Variants in TPH2 observed in about 807,000 individuals in gnomAD.
The protein encoded by TPH2 is tryptophan hydroxylase 2, also known as tryptophan 5-hydroxylase 2.
TPH2 carries 27 observed loss-of-function variants against 59.1 expected under a neutral mutation model. The ratio of observed to expected loss-of-function variants is 0.46; its 90% CI spans 0.34 to 0.63. The LOEUF (loss-of-function observed/expected upper bound fraction) is 0.63. Among genes scored for constraint, TPH2 ranks in the 30% least tolerant of loss-of-function variants. TPH2 has a pLI of 0.01. For missense variants in TPH2, 523 were observed against 588.3 expected, an observed-to-expected ratio of 0.89 and a Z score of 1.15; for synonymous variants, 220 against 210.5, an observed-to-expected ratio of 1.05 and a Z score of -0.39.
At chr12:71,984,217 T>C (rs1178247708) in intron 7 of TPH2, among the ~76,000 whole-genome samples, 1 of 152,242 alleles carries the variant, frequency 6.6e-6, no homozygotes, top group Admixed American at 6.5e-5. Context: ...TAATGTTATT[T>C]TTAAATATAA....
At position 72,031,577 on chromosome 12, in the gene TPH2, A is replaced by T. The variant is rs767755480; in HGVS notation, c.1355A>T (p.Gln452Leu). 6.2e-7 allele frequency: 1 copy of T among 1,613,634 alleles called. No homozygotes were observed. Among genetic ancestry groups the T allele is most frequent in the South Asian group, 1.1e-5 (1 of 91,068 alleles). The change falls in exon 11 of 11, where the codon CAG becomes CTG. Residue 452 changes from glutamine (Q) to leucine (L), a missense_variant. Transcript: ENST00000333850. ...PFSVYFNPYT[Q>L]SIEILKDTRS... is the part of the protein sequence containing the mutation. ...TCAGTATACTTCAATCCCTACACAC[A>T]GAGTATTGAAATTCTGAAAGACACC... is the stretch of plus-strand genomic sequence containing the variant.
chr12:72,002,130 T>A (rs539390087), intron 8 of TPH2, among the ~76,000 whole-genome samples: 1 of 152,192 alleles, frequency 6.6e-6, no homozygotes, highest in Non-Finnish European at 1.5e-5. Flanking sequence ...ATCATGCATG[T>A]CACATACAAA....
rs999502895 is a variant in TPH2 at position 71,941,650 on chromosome 12, G to A, written c.172G>A (p.Ala58Thr). ...GNKGSSKREA[A>T]TESGKTAVVF... ...CAAGGGAAGCAGCAAACGTGAAGCTGCTACCGAAAGTGGCAAGACAGCAGT... is the reference window on the plus strand; with the variant it reads ...CAAGGGAAGCAGCAAACGTGAAGCTACTACCGAAAGTGGCAAGACAGCAGT... The change falls in exon 2 of 11, where the codon GCT (alanine) becomes ACT (threonine). Residue 58 changes from alanine (A) to threonine (T), a missense_variant. Ala to Thr is a moderately conservative substitution (Grantham distance 58). Coordinates refer to ENST00000333850, the MANE Select transcript of TPH2 (RefSeq NM_173353.4). The A allele has an allele frequency of 1.2e-6, 2 of 1,614,118 alleles. No individual in the cohort carries two copies. Among genetic ancestry groups the A allele is most frequent in the Non-Finnish European group, 1.7e-6 (2 of 1,179,980 alleles).
chr12:71,961,317 C>T (rs767650410), intron 5 of TPH2, among the ~76,000 whole-genome samples: 2 of 152,116 alleles, frequency 1.3e-5, no homozygotes, highest in Non-Finnish European at 2.9e-5. Context: ...TGACATAATC[C>T]ATGTAATGAA....
intron 5 of TPH2, chr12:71,962,735 T>C (rs1566125219): frequency 1.0e-6 from 1 of 952,534 alleles, no homozygotes; most frequent in Middle Eastern, 5.4e-4. Flanking sequence ...TGTTTTGTTT[T>C]GTTTTGAGAT....
At chr12:71,993,400 T>C (rs1376571436) in intron 7 of TPH2, among the ~76,000 whole-genome samples, 1 of 152,216 alleles carries the variant, frequency 6.6e-6, no homozygotes, top group African/African-American at 2.4e-5. Context: ...TTTCAGTCAA[T>C]AATTTAAAAT....
chr12:71,975,891 C>T (rs773245391), intron 6 of TPH2, among the ~76,000 whole-genome samples: 5 of 152,250 alleles, frequency 3.3e-5, no homozygotes, highest in Non-Finnish European at 5.9e-5. Flanking sequence ...GAGCTATATG[C>T]ATATTACCTC....
chr12:71,987,711 G>A (rs1446490892), intron 7 of TPH2, among the ~76,000 whole-genome samples: 2 of 152,064 alleles, frequency 1.3e-5, no homozygotes, highest in Non-Finnish European at 2.9e-5. Flanking sequence ...AATTAGCCAG[G>A]GGTGGTGGCG....
intron 8 of TPH2, among the ~76,000 whole-genome samples, chr12:72,007,229 C>T (rs12230254): frequency 0.044 from 6,680 of 152,192 alleles, 287 homozygotes; most frequent in South Asian, 0.17. Context: ...GAGGAGGCTT[C>T]CCCTGAGTGA....
intron 5 of TPH2, among the ~76,000 whole-genome samples, chr12:71,960,998 G>T (rs560487453): frequency 7.2e-5 from 11 of 152,306 alleles, no homozygotes; most frequent in African/African-American, 2.6e-4. Context: ...CACTGGCCAG[G>T]ATGTTTTACA....
At chr12:72,026,031 T>C (rs566479298) in intron 9 of TPH2, among the ~76,000 whole-genome samples, 1 of 152,136 alleles carries the variant, frequency 6.6e-6, no homozygotes, top group Non-Finnish European at 1.5e-5. Context: ...CTTGGAGAAG[T>C]GACAGTAAAG....
chr12:72,023,961 GA>G (rs1389340829), intron 9 of TPH2, among the ~76,000 whole-genome samples: 2 of 152,060 alleles, frequency 1.3e-5, no homozygotes, highest in Non-Finnish European at 2.9e-5. Context: ...TCACAGATGA[GA>G]AAACTGAGGC....
intron 6 of TPH2, among the ~76,000 whole-genome samples, chr12:71,978,639 T>C (rs1194916742): frequency 2.6e-5 from 4 of 152,236 alleles, no homozygotes; most frequent in Non-Finnish European, 5.9e-5. Context: ...TCACTTTCGA[T>C]TGTAATCAAT....
chr12:72,013,368 C>G (rs1873151002), intron 8 of TPH2, among the ~76,000 whole-genome samples: 1 of 152,132 alleles, frequency 6.6e-6, no homozygotes, highest in African/African-American at 2.4e-5. Flanking sequence ...GCCATCTCTG[C>G]CGGTCTCAGT....
chr12:71,967,071 A>G (rs1267907423), intron 5 of TPH2, among the ~76,000 whole-genome samples: 1 of 152,238 alleles, frequency 6.6e-6, no homozygotes, highest in Non-Finnish European at 1.5e-5. Context: ...TGTAGAAAGA[A>G]CTTCCAAAAT....
rs969243588 is a variant in TPH2 at position 72,031,939 on chromosome 12, A to G, written c.*244A>G. On this transcript the variant is annotated 3_prime_UTR_variant, in exon 11 of 11. Coordinates refer to ENST00000333850, the MANE Select transcript of TPH2 (RefSeq NM_173353.4). The stretch of plus-strand genomic sequence containing the variant: ...TTTAAACATCTTAAAAAGATTTGAC[A>G]TTCCTGCTTAGTGTCCTTAACCAAA... The G allele has an allele frequency of 7.8e-6, 4 of 515,888 alleles. No homozygotes were observed. Among genetic ancestry groups the G allele is most frequent in the African/African-American group, 1.9e-5 (1 of 52,010 alleles). 32.0% of individuals were successfully genotyped at this position (515,888 alleles called of 1,614,324 possible).
intron 5 of TPH2, among the ~76,000 whole-genome samples, chr12:71,950,696 A>G (rs1871321679): frequency 6.6e-6 from 1 of 152,160 alleles, no homozygotes; most frequent in African/African-American, 2.4e-5. Context: ...CTCGTAAGGG[A>G]AAGATTCGTC....
chr12:71,988,869 G>T (rs1450593011), intron 7 of TPH2, among the ~76,000 whole-genome samples: 2 of 152,112 alleles, frequency 1.3e-5, no homozygotes, highest in Non-Finnish European at 2.9e-5. Flanking sequence ...CTTTTGCTAG[G>T]AGTTATTCTA....
chr12:71,967,925 C>T (rs1040266297), intron 5 of TPH2, among the ~76,000 whole-genome samples: 5 of 152,150 alleles, frequency 3.3e-5, no homozygotes, highest in African/African-American at 7.2e-5. Context: ...CTCCCTCTCC[C>T]GCAGTTATTT....
Sources: allele counts gnomAD v4.1 joint callset (sites outside exome capture counted in the v4.1 genomes callset), GRCh38; gene constraint gnomAD v4.1.1; transcripts MANE v1.5; gene names NCBI Gene and HGNC (gene_info 2026-07-23, HGNC 2026-07-21).